Variants in YES1 observed in about 807,000 individuals in gnomAD.
YES1 encodes tyrosine-protein kinase Yes.
Under a neutral mutation model 70.4 loss-of-function variants are expected in YES1, and 39 were observed. That is an observed-to-expected ratio of 0.55 (90% CI 0.43 to 0.72). YES1 has a LOEUF of 0.72. YES1 is among the 30% of genes least tolerant of loss of function. The pLI is 0.00. For synonymous variants in YES1, 198 were observed against 218.6 expected (o/e 0.91, Z 0.83); for missense variants, 495 against 644.8 (o/e 0.77, Z 2.52).
chr18:757,773 C>T (rs147775423), intron 1 of YES1, among the ~76,000 whole-genome samples: 1,930 of 149,956 alleles, frequency 0.013, 47 homozygotes, highest in African/African-American at 0.045. Flanking sequence ...AGTAAGCTGA[C>T]ATCGTGCCAG....
chr18:753,060 A>G (rs969120551), intron 2 of YES1, among the ~76,000 whole-genome samples: 3 of 152,254 alleles, frequency 2.0e-5, no homozygotes, highest in East Asian at 3.8e-4. Context: ...CTGAACAGCC[A>G]AACTATTATT....
intron 6 of YES1, among the ~76,000 whole-genome samples, chr18:744,783 A>T (rs2080260302): frequency 7.1e-6 from 1 of 141,478 alleles, no homozygotes; most frequent in Non-Finnish European, 1.5e-5. Flanking sequence ...ATCCTCCTGC[A>T]TCAGTAGTTG....
chr18:800,434 C>T (rs1906760576), intron 1 of YES1, among the ~76,000 whole-genome samples: 1 of 152,144 alleles, frequency 6.6e-6, no homozygotes, highest in South Asian at 2.1e-4. Context: ...ATCTGCCAAC[C>T]TTTATGTAAA....
intron 1 of YES1, among the ~76,000 whole-genome samples, chr18:802,084 C>A (rs1353586619): frequency 1.3e-5 from 2 of 152,062 alleles, no homozygotes; most frequent in Admixed American, 6.5e-5. Context: ...ACATGCAGCA[C>A]AAAGCTACTT....
At chr18:737,096 G>T in intron 9 of YES1, 135 bp from the exon 10 acceptor site, 1 of 716,842 alleles carries the variant, frequency 1.4e-6, no homozygotes, top group Non-Finnish European at 2.2e-6. Context: ...ACAGGGTATA[G>T]TCTAGAAGAT....
intron 11 of YES1, among the ~76,000 whole-genome samples, chr18:725,794 G>A (rs76360297): frequency 0.12 from 17,703 of 152,190 alleles, 1,133 homozygotes; most frequent in East Asian, 0.28. Flanking sequence ...GCTGAGGTGG[G>A]AGAATCACTT....
intron 1 of YES1, among the ~76,000 whole-genome samples, chr18:787,203 G>A (rs1008700615): frequency 1.4e-5 from 2 of 139,928 alleles, no homozygotes; most frequent in Non-Finnish European, 3.0e-5. Context: ...GGGTTCAAGA[G>A]ATTCTCCTGC....
chr18:755,497 C>T (rs1355750476), intron 2 of YES1, among the ~76,000 whole-genome samples: 10 of 152,088 alleles, frequency 6.6e-5, no homozygotes, highest in African/African-American at 2.4e-4. Context: ...GGCAATCTGC[C>T]TGCCTCAGCC....
intron 1 of YES1, among the ~76,000 whole-genome samples, chr18:759,199 G>A (rs1053442661): frequency 2.0e-5 from 3 of 152,230 alleles, no homozygotes; most frequent in African/African-American, 7.2e-5. Flanking sequence ...AGGCGCGGTG[G>A]CTCACGCCTG....
rs112780461 is a variant in YES1, at chr18:745,565, C to G, written c.724+143G>C. 6.4e-5 allele frequency: 50 copies of G among 786,424 alleles called. 1 individual carries two copies. The African/African-American group carries it at 6.4e-4, about 10-fold the overall frequency. 48.7% of individuals were successfully genotyped at this position (786,424 alleles called of 1,614,324 possible). A position where few individuals can be genotyped will look rare whatever the true frequency, so the allele number is the denominator to read the frequency against. On this transcript the variant is annotated intron_variant, in intron 6 of 11. Coordinates refer to ENST00000314574, the MANE Select transcript of YES1 (RefSeq NM_005433.4). ...AAGTACTAAGTATTACCTGTTCCTC[C>G]CTTTAGAATACAACAGACATTTATT...
In YES1 at chr18:806,448, T is replaced by C. The variant is rs528214830; in HGVS notation, c.-9+5666A>G. The stretch of plus-strand genomic sequence containing the variant: ...GAATTAACTTCGAGCTATGAAAAAG[T>C]ATTAAGCTAGTTTTATAACATTTTA... On this transcript the variant is annotated intron_variant, in intron 1 of 11. Transcript: ENST00000314574. 7.2e-5 allele frequency among the ~76,000 whole-genome samples: 11 copies of C among 152,316 alleles called. 1 individual carries two copies. In the South Asian group the frequency reaches 2.1e-3, roughly 29 times the overall value.
intron 11 of YES1, among the ~76,000 whole-genome samples, chr18:731,708 C>T (rs7242861): frequency 3.9e-5 from 6 of 152,094 alleles, no homozygotes; most frequent in African/African-American, 7.2e-5. Flanking sequence ...TGGCTCACGC[C>T]TGTAATCCCA....
intron 1 of YES1, among the ~76,000 whole-genome samples, chr18:792,717 T>C (rs1598939961): frequency 6.6e-6 from 1 of 151,794 alleles, no homozygotes; most frequent in South Asian, 2.1e-4. Flanking sequence ...TCCCAGCACT[T>C]TGGAAGGCTG....
In YES1 at chr18:743,060, T is replaced by C; in HGVS notation, c.918A>G (p.Thr306=). 6.2e-7 allele frequency: 1 copy of C among 1,602,956 alleles called. No homozygotes were observed. The highest frequency in any genetic ancestry group is 1.1e-5 in the South Asian group (1 of 87,954). ...CTGGCATCATTGTACCTGGTTTTAG[T>C]GTTTTGATTGCTACTTTCGTGGTTC... ...WNGTTKVAIK[T]LKPGTMMPEA... The change falls in exon 8 of 12, where the codon ACA becomes ACG. Residue 306 remains threonine (T), a synonymous_variant. Coordinates refer to ENST00000314574, the MANE Select transcript of YES1 (RefSeq NM_005433.4).
chr18:802,123 G>T (rs769306047), intron 1 of YES1, among the ~76,000 whole-genome samples: 30 of 152,322 alleles, frequency 2.0e-4, no homozygotes, highest in South Asian at 1.7e-3. Flanking sequence ...TAGGGTGGGT[G>T]TAGTGGCTCA....
At chr18:777,958 C>T (rs1568210934) in intron 1 of YES1, among the ~76,000 whole-genome samples, 1 of 152,136 alleles carries the variant, frequency 6.6e-6, no homozygotes, top group Admixed American at 6.6e-5. Context: ...ATGTTGTACA[C>T]ACACATTATG....
chr18:737,002 A>C (rs1388599968), intron 9 of YES1, 41 bp from the exon 10 acceptor site: 2 of 1,523,588 alleles, frequency 1.3e-6, no homozygotes, highest in Admixed American at 3.9e-5. Context: ...CATACGATAC[A>C]AAGGGAAGCA....
At chr18:729,859 T>C (rs1313971810) in intron 11 of YES1, among the ~76,000 whole-genome samples, 1 of 152,134 alleles carries the variant, frequency 6.6e-6, no homozygotes, top group Non-Finnish European at 1.5e-5. Context: ...ACTCCTGACC[T>C]TGTGATCCAC....
intron 4 of YES1, among the ~76,000 whole-genome samples, chr18:746,275 A>G (rs192014064): frequency 6.6e-4 from 101 of 152,282 alleles, no homozygotes; most frequent in Non-Finnish European, 1.5e-4. Flanking sequence ...TAACTACTCA[A>G]TGTGTCTCTC....
Sources: allele counts gnomAD v4.1 joint callset (sites outside exome capture counted in the v4.1 genomes callset), GRCh38; gene constraint gnomAD v4.1.1; transcripts MANE v1.5; gene names NCBI Gene and HGNC (gene_info 2026-07-23, HGNC 2026-07-21).